MVB12A: variants seen among roughly 807,000 people sequenced by gnomAD.
MVB12A encodes CIN85/CD2AP family binding protein.
In MVB12A, 30 loss-of-function variants were observed where a neutral mutation model predicts 34.3. The ratio of observed to expected loss-of-function variants is 0.88; its 90% confidence interval spans 0.65 to 1.19. The LOEUF (loss-of-function observed/expected upper bound fraction) is 1.19, where lower values mean the gene tolerates loss of function less well. MVB12A is among the 50% of genes most tolerant of loss of function. The probability of loss-of-function intolerance (pLI) is 0.00; values close to 1 mark genes in which losing one functional copy is unlikely to be tolerated. For missense variants in MVB12A, 355 were observed against 369.2 expected (o/e 0.96, Z 0.31); for synonymous variants, 158 against 158.9 (o/e 0.99, Z 0.04).
At chr19:17,416,963 G>T, upstream of MVB12A, 1 of 246,164 alleles carries the variant, frequency 4.1e-6, no homozygotes, top group Admixed American at 4.5e-5. Context: ...AAAGTGCTGG[G>T]ATTACAGGAG....
intron 3 of MVB12A, chr19:17,420,983 T>G: frequency 2.0e-6 from 1 of 500,980 alleles, no homozygotes; most frequent in Non-Finnish European, 3.9e-6. Flanking sequence ...CCGCTTCCTC[T>G]GCCTGGGGCA....
At chr19:17,410,531 C>CATACAT (rs1568387403) in intron 2 of MVB12A, among the ~76,000 whole-genome samples, 1 of 49,724 alleles carries the variant, frequency 2.0e-5, no homozygotes, top group African/African-American at 9.7e-5. Context: ...TATATATATA[C>CATACAT]ACACACACAT....
upstream of MVB12A, chr19:17,418,010 C>T (rs112651486): frequency 0.032 from 5,250 of 164,864 alleles, 115 homozygotes; most frequent in African/African-American, 0.067. Flanking sequence ...GATTCTCCTG[C>T]CTCAGGCTCC....
At position 17,420,510 on chromosome 19, in the gene MVB12A, C is replaced by T. The variant is rs567872604; in HGVS notation, c.190-28C>T. ...GTGCGCTGTCCCCGCTGCTAGCCAC[C>T]CTCGCCGTGTCCCCCTTCCACCCCC... On this transcript the variant is annotated intron_variant, in intron 2 of 8. Transcript: ENST00000317040. 5.0e-6 allele frequency: 8 copies of T among 1,590,838 alleles called. No individual in the cohort carries two copies. In the Admixed American group the frequency reaches 1.2e-4, roughly 23 times the overall value.
upstream of MVB12A, among the ~76,000 whole-genome samples, chr19:17,418,630 T>C (rs1221270275): frequency 1.3e-5 from 2 of 151,628 alleles, no homozygotes; most frequent in East Asian, 3.9e-4. Context: ...CCTCAGATGA[T>C]CCGCCCGCCT....
intron 3 of MVB12A, chr19:17,422,058 AC>A: frequency 3.3e-6 from 1 of 307,650 alleles, no homozygotes; most frequent in East Asian, 5.7e-5. Context: ...CACGATGGGC[AC>A]CCAGCTCTGT....
chr19:17,423,826 C>T lies in MVB12A; in HGVS notation c.640+27C>T, dbSNP rs553623145. On this transcript the variant is annotated intron_variant, in intron 6 of 8. Coordinates refer to ENST00000317040, the MANE Select transcript of MVB12A (RefSeq NM_138401.4). ...TGAGCACAGAGTGGGGAAACTGAGG[C>T]GTGGAAGTGGAGGGTGTGACTGTCT... The T allele has an allele frequency of 5.9e-5, 94 of 1,602,916 alleles. 1 individual carries two copies. Among genetic ancestry groups the T allele is most frequent in the Middle Eastern group, 1.7e-4 (1 of 6,052 alleles).
Position 17,424,666 on chromosome 19 carries a change from A to G in MVB12A, c.748A>G (p.Ile250Val). ...CCTGACCATCAAGTCTCTGGCGGAC[A>G]TTGAGGAGGAGGTGGGTGCAGGGCT... The part of the protein sequence containing the change: ...GDLTIKSLAD[I>V]EEEYNYGFVV... The change falls in exon 8 of 9, where the codon ATT becomes GTT. Residue 250 changes from isoleucine to valine, a missense_variant. Physicochemically the swap from Ile to Val is conservative, Grantham distance 29 (BLOSUM62 3). Coordinates refer to ENST00000317040, the MANE Select transcript of MVB12A (RefSeq NM_138401.4). The G allele has an allele frequency of 1.2e-6, 2 of 1,610,668 alleles. No individual in the cohort carries two copies. The highest frequency in any genetic ancestry group is 2.2e-5 in the East Asian group (1 of 44,746).
rs775007992 is a variant in MVB12A, at chr19:17,422,357, C to T, written c.312C>T (p.Arg104=). The T allele has an allele frequency of 1.9e-6, 3 of 1,612,994 alleles. No homozygotes were observed. The highest frequency in any genetic ancestry group is 2.5e-6 in the Non-Finnish European group (3 of 1,179,494). The change falls in exon 4 of 9, where the codon CGC becomes CGT. Residue 104 remains arginine (R), a synonymous_variant. Transcript: ENST00000317040. ...AGGCCTCTGTGTCCAAGAAGAAACG[C>T]ATGTGTGTGAAGCTGTTGCCCCTGG... ...DSKASVSKKK[R]MCVKLLPLGA...
chr19:17,418,417 A>G (rs1325083354), upstream of MVB12A: 1 of 118,694 alleles, frequency 8.4e-6, no homozygotes, highest in Non-Finnish European at 1.8e-5. Context: ...TATTGAGACG[A>G]GTTTCGCTCT....
At position 17,411,300 on chromosome 19, in the gene MVB12A, A is replaced by G. The variant is rs535901235; in HGVS notation, c.-5+5004A>G. Among the ~76,000 whole-genome samples the G allele has an allele frequency of 1.1e-4, 16 of 151,842 alleles. No homozygotes were observed. In the South Asian group the frequency reaches 1.7e-3, roughly 16 times the overall value. ...TTTTAGAATAGTTTTAGATTTGCAGAAAAAAAACAGTGAGGATAATAGAAT... is the reference window on the plus strand; with the variant it reads ...TTTTAGAATAGTTTTAGATTTGCAGGAAAAAAACAGTGAGGATAATAGAAT... On this transcript the variant is annotated intron_variant, in intron 2 of 6. Transcript: ENST00000528604.
upstream of MVB12A, chr19:17,419,819 G>C (rs745712940): frequency 1.1e-4 from 23 of 218,226 alleles, no homozygotes; most frequent in Non-Finnish European, 2.1e-4. Flanking sequence ...GACTTGCAGA[G>C]AACGAGTCTC....
At chr19:17,423,670 A>C in intron 5 of MVB12A, 23 bp from the exon 6 acceptor site, 1 of 1,613,690 alleles carries the variant, frequency 6.2e-7, no homozygotes, top group South Asian at 1.1e-5. Context: ...GATGAGGCTT[A>C]ACCTGAGTCA....
intron 4 of MVB12A, 56 bp from the exon 5 acceptor site, chr19:17,423,442 C>T (rs530917503): frequency 6.4e-5 from 102 of 1,588,900 alleles, no homozygotes; most frequent in Non-Finnish European, 8.5e-5. Context: ...AGGGGCTATC[C>T]TCAACCCTGG....
intron 4 of MVB12A, 81 bp downstream of exon 4, chr19:17,422,539 C>T (rs2074845019): frequency 2.2e-6 from 3 of 1,356,944 alleles, no homozygotes; most frequent in Non-Finnish European, 3.0e-6. Context: ...CAAGGACACC[C>T]CTGAGGTCTC....
At chr19:17,409,436 C>T (rs955019500) in intron 2 of MVB12A, among the ~76,000 whole-genome samples, 4 of 132,912 alleles carry the variant, frequency 3.0e-5, no homozygotes, top group Non-Finnish European at 6.3e-5. Context: ...CAGCCTCTGC[C>T]ATTACTTTTT....
intron 2 of MVB12A, among the ~76,000 whole-genome samples, chr19:17,408,602 A>G (rs1340767573): frequency 2.0e-5 from 3 of 150,068 alleles, no homozygotes; most frequent in Non-Finnish European, 4.4e-5. Context: ...GCCCACCGCC[A>G]TGCCTGGCTT....
In MVB12A at chr19:17,420,574, G is replaced by C; in HGVS notation, c.226G>C (p.Val76Leu). Residue 76 changes from valine to leucine, a missense_variant, in exon 3 of 9, where the codon GTG (valine) becomes CTG (leucine). By Grantham distance (32) the Val-to-Leu change is conservative (BLOSUM62 1). Coordinates refer to ENST00000317040, the MANE Select transcript of MVB12A (RefSeq NM_138401.4). ...QENVVADIQI[V>L]VDKSPLPLGF... ...GAACGTGGTGGCCGATATCCAGATCGTGGTGGACAAGAGCCCCCTGCCGCT... is the reference window on the plus strand; with the variant it reads ...GAACGTGGTGGCCGATATCCAGATCCTGGTGGACAAGAGCCCCCTGCCGCT... 1 of 1,614,018 alleles carries C rather than the reference G, an allele frequency of 6.2e-7. No homozygotes were observed. The highest frequency in any genetic ancestry group is 8.5e-7 in the Non-Finnish European group (1 of 1,179,930).
chr19:17,416,478 C>T (rs1396223101), upstream of MVB12A, among the ~76,000 whole-genome samples: 2 of 148,286 alleles, frequency 1.3e-5, no homozygotes, highest in East Asian at 4.0e-4. Flanking sequence ...TGCAGAGGCA[C>T]CATTTCTGCT....
Sources: gnomAD v4.1 joint callset for allele counts (sites outside exome capture counted in the v4.1 genomes callset) on GRCh38, gnomAD v4.1.1 for gene constraint, MANE v1.5 for transcripts, NCBI Gene and HGNC (gene_info 2026-07-23, HGNC 2026-07-21) for gene names.